NHLRC2: variants seen among roughly 807,000 people sequenced by gnomAD.
The protein encoded by NHLRC2 is NHL repeat containing 2, also known as NHL repeat-containing protein 2.
NHLRC2 carries 33 observed loss-of-function variants against 68.1 expected under a neutral mutation model. The observed-to-expected ratio is 0.48, with a 90% CI of 0.37 to 0.65. The LOEUF (loss-of-function observed/expected upper bound fraction) is 0.65, where lower values mean the gene tolerates loss of function less well. Among genes scored for constraint, NHLRC2 ranks in the 30% least tolerant of loss-of-function variants. NHLRC2 has a pLI of 0.00. For missense variants in NHLRC2, 761 were observed against 853.8 expected, an observed-to-expected ratio of 0.89 and a Z score of 1.35; for synonymous variants, 311 against 309.6, an observed-to-expected ratio of 1.00 and a Z score of -0.05.
Position 113,858,557 on chromosome 10 carries a change from A to G in NHLRC2, c.208A>G (p.Ile70Val), listed in dbSNP as rs746376284. The G allele has an allele frequency of 1.2e-6, 2 of 1,606,442 alleles. No individual in the cohort carries two copies. The highest frequency in any genetic ancestry group is 1.7e-6 in the Non-Finnish European group (2 of 1,173,334). ...AGAATGGCTGAACACAGAAGAACCT[A>G]TTTCTGTCTACAAGGATCTATGTGG... ...GLEWLNTEEP[I>V]SVYKDLCGKI... Residue 70 changes from isoleucine (I) to valine (V), a missense_variant, in exon 2 of 11, where the codon ATT (isoleucine) becomes GTT (valine). Transcript: ENST00000369301.
In NHLRC2 at chr10:113,915,768, C is replaced by T. The variant is rs1846378268; in HGVS notation, c.*7232C>T. ...CCTTCTGCTTCGGCCTCCTGAGTAG[C>T]TAAGACCACAGGTGTGTGCCACCAC... On this transcript the variant is annotated 3_prime_UTR_variant, in exon 11 of 11. Coordinates refer to ENST00000369301, the MANE Select transcript of NHLRC2 (RefSeq NM_198514.4). 6.4e-6 allele frequency: 1 copy of T among 155,672 alleles called. No individual in the cohort carries two copies. The highest frequency in any genetic ancestry group is 2.4e-5 in the African/African-American group (1 of 41,398). 9.6% of individuals were successfully genotyped at this position (155,672 alleles called of 1,614,324 possible). A position where few individuals can be genotyped will look rare whatever the true frequency, so the allele number is the denominator to read the frequency against.
chr10:113,864,708 A>ACC, intron 2 of NHLRC2, among the ~76,000 whole-genome samples: 2 of 151,178 alleles, frequency 1.3e-5, no homozygotes, highest in Non-Finnish European at 3.0e-5. Flanking sequence ...AAAAAAAAAA[A>ACC]ACCACACACA....
intron 10 of NHLRC2, 44 bp downstream of exon 10, chr10:113,905,080 G>C: frequency 1.0e-6 from 1 of 991,410 alleles, no homozygotes; most frequent in Non-Finnish European, 1.5e-6. Context: ...ATATATTCTT[G>C]ATGTTTAATC....
chr10:113,874,372 C>T (rs1462525818), intron 2 of NHLRC2, among the ~76,000 whole-genome samples: 1 of 151,992 alleles, frequency 6.6e-6, no homozygotes, highest in African/African-American at 2.4e-5. Context: ...TCCCCACCAC[C>T]TTTACCCACA....
rs961417660 is a variant in NHLRC2, at chr10:113,913,500, A to C, written c.*4964A>C. ...TCTTGGCAGATGGATGTATTAAAAA[A>C]ATAGCTTTCCAGTGTTAGTTCTCAA... On this transcript the variant is annotated 3_prime_UTR_variant, in exon 11 of 11. Transcript: ENST00000369301. The C allele has an allele frequency of 6.6e-6, 1 of 152,222 alleles. No homozygotes were observed. Among genetic ancestry groups the C allele is most frequent in the Non-Finnish European group, 1.5e-5 (1 of 68,044 alleles). 9.4% of individuals were successfully genotyped at this position (152,222 alleles called of 1,614,324 possible).
chr10:113,890,787 A>G (rs1314922167), intron 5 of NHLRC2, among the ~76,000 whole-genome samples: 2 of 152,194 alleles, frequency 1.3e-5, no homozygotes, highest in Non-Finnish European at 2.9e-5. Flanking sequence ...TCATACTGCT[A>G]TAAAGATACT....
intron 2 of NHLRC2, among the ~76,000 whole-genome samples, chr10:113,862,079 T>A (rs1436759893): frequency 6.6e-6 from 1 of 152,134 alleles, no homozygotes; most frequent in Non-Finnish European, 1.5e-5. Flanking sequence ...TTTACTATGT[T>A]GGCCAGGCTA....
chr10:113,906,122 G>A (rs1846273081), intron 10 of NHLRC2, among the ~76,000 whole-genome samples: 1 of 152,224 alleles, frequency 6.6e-6, no homozygotes, highest in African/African-American at 2.4e-5. Flanking sequence ...ATTTTTCTCA[G>A]TGTAACTGTA....
In NHLRC2 at chr10:113,903,621, C is replaced by T. The variant is rs1340816768; in HGVS notation, c.1589C>T (p.Thr530Ile). 6.2e-7 allele frequency: 1 copy of T among 1,608,898 alleles called. No homozygotes were observed. ...ACCAGTTCCAGTTTTACAGAGTCAACTTTTAATGAACCAGGAGGCTTGTGT... is the reference window on the plus strand; with the variant it reads ...ACCAGTTCCAGTTTTACAGAGTCAATTTTTAATGAACCAGGAGGCTTGTGT... ...NVTSSSFTES[T>I]FNEPGGLCIG... The change falls in exon 9 of 11, where the codon ACT (threonine) becomes ATT (isoleucine). Residue 530 changes from threonine (T) to isoleucine (I), a missense_variant. Thr to Ile is a moderately conservative substitution (Grantham distance 89). Transcript: ENST00000369301.
rs548804974 is a variant in NHLRC2 at position 113,899,832 on chromosome 10, C to A, written c.1139+1623C>A. On this transcript the variant is annotated intron_variant, in intron 6 of 10. Transcript: ENST00000369301. ...ACTCAGGAGGCTGTGGCAGGAGAAT[C>A]GCTTGAACCCAGGAGGCGGAAGGTT... 3.9e-3 allele frequency among the ~76,000 whole-genome samples: 586 copies of A among 152,068 alleles called. 1 individual carries two copies. The highest frequency in any genetic ancestry group is 6.8e-3 in the Middle Eastern group (2 of 294).
At chr10:113,889,040 T>TG (rs1188996690) in intron 5 of NHLRC2, among the ~76,000 whole-genome samples, 1 of 152,126 alleles carries the variant, frequency 6.6e-6, no homozygotes, top group African/African-American at 2.4e-5. Flanking sequence ...TTGGCCAGGC[T>TG]GTTCTCTAAC....
intron 2 of NHLRC2, among the ~76,000 whole-genome samples, chr10:113,870,183 G>A (rs896481787): frequency 1.1e-4 from 16 of 151,998 alleles, no homozygotes; most frequent in South Asian, 8.3e-4. Context: ...CTAAAGTATC[G>A]TTAGATTTAT....
At chr10:113,885,784 A>G (rs1223562906) in intron 5 of NHLRC2, among the ~76,000 whole-genome samples, 1 of 152,046 alleles carries the variant, frequency 6.6e-6, no homozygotes, top group African/African-American at 2.4e-5. Flanking sequence ...TAGCAAGTAC[A>G]ATAGCATTTA....
chr10:113,857,310 CATTA>C (rs1385787257), intron 1 of NHLRC2, among the ~76,000 whole-genome samples: 1 of 152,038 alleles, frequency 6.6e-6, no homozygotes, highest in Non-Finnish European at 1.5e-5. Context: ...ATGAAATATA[CATTA>C]ATTAGTCTGA....
intron 2 of NHLRC2, among the ~76,000 whole-genome samples, chr10:113,865,071 T>A (rs960481194): frequency 3.3e-5 from 5 of 151,556 alleles, no homozygotes; most frequent in African/African-American, 1.2e-4. Flanking sequence ...TACCTCAGCC[T>A]CCCGAGTAGC....
At chr10:113,882,040 G>A (rs1846039755) in intron 4 of NHLRC2, among the ~76,000 whole-genome samples, 1 of 151,700 alleles carries the variant, frequency 6.6e-6, no homozygotes, top group African/African-American at 2.4e-5. Context: ...TGTATTGCTG[G>A]ATAGTATTCT....
At chr10:113,859,821 A>G (rs1229811119) in intron 2 of NHLRC2, among the ~76,000 whole-genome samples, 3 of 152,230 alleles carry the variant, frequency 2.0e-5, no homozygotes, top group Non-Finnish European at 4.4e-5. Context: ...GGAATAAGTC[A>G]CTTTGCCTAG....
intron 2 of NHLRC2, among the ~76,000 whole-genome samples, chr10:113,859,496 G>A (rs1302100674): frequency 6.6e-6 from 1 of 152,096 alleles, no homozygotes; most frequent in Non-Finnish European, 1.5e-5. Flanking sequence ...AACTTTAAAG[G>A]GGAAGTGATA....
intron 5 of NHLRC2, among the ~76,000 whole-genome samples, chr10:113,892,299 G>A (rs1445808521): frequency 6.6e-6 from 1 of 152,038 alleles, no homozygotes; most frequent in Non-Finnish European, 1.5e-5. Context: ...AGTGAGTTTT[G>A]CCTTTAAAAA....
Sources: gnomAD v4.1 joint callset for allele counts (sites outside exome capture counted in the v4.1 genomes callset) on GRCh38, gnomAD v4.1.1 for gene constraint, MANE v1.5 for transcripts, NCBI Gene and HGNC (gene_info 2026-07-23, HGNC 2026-07-21) for gene names.